Variants in CA10 observed in about 807,000 individuals in gnomAD.
CA10 encodes the protein carbonic anhydrase-related protein 10.
CA10 carries 14 observed loss-of-function variants against 44.2 expected under a neutral mutation model. The ratio of observed to expected loss-of-function variants is 0.32; its 90% confidence interval spans 0.21 to 0.50. The LOEUF is 0.50. CA10 is among the 20% of genes least tolerant of loss of function. The pLI, the probability that CA10 is intolerant of heterozygous loss-of-function variation, is 0.99. For missense variants in CA10, 350 were observed against 409.7 expected, an observed-to-expected ratio of 0.85 and a Z score of 1.26; for synonymous variants, 159 against 141.6, an observed-to-expected ratio of 1.12 and a Z score of -0.87.
At chr17:51,756,467 T>C (rs930693459) in intron 3 of CA10, among the ~76,000 whole-genome samples, 2 of 127,070 alleles carry the variant, frequency 1.6e-5, no homozygotes, top group African/African-American at 6.0e-5. Flanking sequence ...GGAAATGAGG[T>C]AGTTGTTTTT....
chr17:51,678,563 G>A (rs927462006), intron 4 of CA10, among the ~76,000 whole-genome samples: 1 of 152,308 alleles, frequency 6.6e-6, no homozygotes, highest in East Asian at 1.9e-4. Context: ...CCTCCAGCAT[G>A]TGTATGTGGT....
intron 1 of CA10, among the ~76,000 whole-genome samples, chr17:52,090,778 A>G (rs2143209121): frequency 6.6e-6 from 1 of 152,284 alleles, no homozygotes; most frequent in South Asian, 2.1e-4. Context: ...ATTAAAATAA[A>G]TTCTGCCCAC....
intron 2 of CA10, among the ~76,000 whole-genome samples, chr17:51,979,727 C>T (rs990369845): frequency 6.6e-6 from 1 of 152,046 alleles, no homozygotes; most frequent in Non-Finnish European, 1.5e-5. Flanking sequence ...GGACGGCAGG[C>T]CTTATTTGTT....
chr17:51,647,201 G>T (rs1329456045), intron 6 of CA10, among the ~76,000 whole-genome samples: 1 of 152,050 alleles, frequency 6.6e-6, no homozygotes, highest in Non-Finnish European at 1.5e-5. Flanking sequence ...CATCTTTCTT[G>T]CCACTCCCTC....
At chr17:51,681,489 G>T (rs1240387468) in intron 4 of CA10, among the ~76,000 whole-genome samples, 2 of 152,134 alleles carry the variant, frequency 1.3e-5, no homozygotes, top group African/African-American at 4.8e-5. Flanking sequence ...ATAGTTCTTT[G>T]TTGTGGGGGC....
chr17:52,095,854 T>C (rs2143228330), intron 1 of CA10, among the ~76,000 whole-genome samples: 1 of 152,298 alleles, frequency 6.6e-6, no homozygotes, highest in Non-Finnish European at 1.5e-5. Flanking sequence ...AAAACCATGT[T>C]GGATGTAGGT....
At chr17:51,668,664 C>T (rs1434519115) in intron 4 of CA10, among the ~76,000 whole-genome samples, 2 of 152,224 alleles carry the variant, frequency 1.3e-5, no homozygotes, top group Non-Finnish European at 2.9e-5. Context: ...TCTGCATCCA[C>T]TCTGGCCACA....
At chr17:51,634,495 G>T (rs1312874544) in intron 7 of CA10, among the ~76,000 whole-genome samples, 5 of 152,176 alleles carry the variant, frequency 3.3e-5, no homozygotes, top group Non-Finnish European at 7.3e-5. Flanking sequence ...GACTCCCACA[G>T]TCGTAGAATG....
intron 2 of CA10, among the ~76,000 whole-genome samples, chr17:52,037,320 G>A (rs1335650717): frequency 2.0e-5 from 3 of 152,064 alleles, no homozygotes; most frequent in Admixed American, 6.6e-5. Context: ...GAAGAATCAT[G>A]AGACAGCATC....
intron 3 of CA10, among the ~76,000 whole-genome samples, chr17:51,902,426 CA>C (rs1169562806): frequency 2.6e-5 from 4 of 151,880 alleles, no homozygotes; most frequent in Admixed American, 6.6e-5. Context: ...TTTTTTTCCC[CA>C]TTTGTGCCTT....
intron 3 of CA10, among the ~76,000 whole-genome samples, chr17:51,897,321 TAGAG>T (rs974374876): frequency 6.6e-6 from 1 of 152,136 alleles, no homozygotes; most frequent in African/African-American, 2.4e-5. Flanking sequence ...ATTTATTGAA[TAGAG>T]AGTCCTTTCT....
chr17:52,147,358 A>G (rs1297381758), intron 1 of CA10, among the ~76,000 whole-genome samples: 1 of 152,166 alleles, frequency 6.6e-6, no homozygotes, highest in African/African-American at 2.4e-5. Flanking sequence ...TGGATACGTA[A>G]TTGGCCTAAA....
chr17:51,857,624 AAACT>A (rs757406035), intron 3 of CA10, among the ~76,000 whole-genome samples: 1 of 152,154 alleles, frequency 6.6e-6, no homozygotes, highest in Non-Finnish European at 1.5e-5. Flanking sequence ...CTATCGCAAC[AAACT>A]ATTAGCAAAA....
intron 2 of CA10, among the ~76,000 whole-genome samples, chr17:51,982,328 C>T (rs1984679098): frequency 1.3e-5 from 2 of 151,952 alleles, no homozygotes; most frequent in Non-Finnish European, 2.9e-5. Flanking sequence ...CTACTATCAA[C>T]AGCCACATTG....
At chr17:51,688,566 G>T (rs982736658) in intron 4 of CA10, among the ~76,000 whole-genome samples, 1 of 152,158 alleles carries the variant, frequency 6.6e-6, no homozygotes, top group South Asian at 2.1e-4. Context: ...TGATGTCTGT[G>T]TTTGGAACTA....
intron 3 of CA10, among the ~76,000 whole-genome samples, chr17:51,757,746 G>A (rs941995815): frequency 6.6e-6 from 1 of 152,146 alleles, no homozygotes; most frequent in Non-Finnish European, 1.5e-5. Flanking sequence ...TCTTCTCACT[G>A]TTTGTCCAGA....
intron 2 of CA10, among the ~76,000 whole-genome samples, chr17:51,993,092 AT>A (rs1985102687): frequency 6.6e-6 from 1 of 152,080 alleles, no homozygotes; most frequent in Non-Finnish European, 1.5e-5. Context: ...GCTTGGGATA[AT>A]TTGTAATATC....
At chr17:51,645,136 C>G (rs1031039183) in intron 6 of CA10, among the ~76,000 whole-genome samples, 1 of 152,048 alleles carries the variant, frequency 6.6e-6, no homozygotes, top group Admixed American at 6.6e-5. Flanking sequence ...TATTTCTCAC[C>G]ATCTCCCTGC....
chr17:52,136,972 A>C (rs1259467037), intron 1 of CA10, among the ~76,000 whole-genome samples: 1 of 152,208 alleles, frequency 6.6e-6, no homozygotes, highest in African/African-American at 2.4e-5. Context: ...TAATATCAAA[A>C]TGAGGAATTT....
Sources: allele counts gnomAD v4.1 joint callset (sites outside exome capture counted in the v4.1 genomes callset), GRCh38; gene constraint gnomAD v4.1.1; transcripts MANE v1.5; gene names NCBI Gene and HGNC (gene_info 2026-07-23, HGNC 2026-07-21).